XKR9: variants seen among roughly 807,000 people sequenced by gnomAD.
XKR9 encodes XK-related protein 9.
A neutral mutation model predicts 32.0 loss-of-function variants in XKR9; 32 were observed. The ratio of observed to expected loss-of-function variants is 1.00; its 90% CI spans 0.76 to 1.34. XKR9 has a LOEUF of 1.34. Among genes scored for constraint, XKR9 ranks in the 40% most tolerant of loss-of-function variants. The pLI is 0.00. For synonymous variants in XKR9, 168 were observed against 143.4 expected (o/e 1.17, Z -1.22); for missense variants, 546 against 429.7 (o/e 1.27, Z -2.39).
the XKR9 span, among the ~76,000 whole-genome samples, chr8:71,062,381 G>T: frequency 6.6e-6 from 1 of 152,120 alleles, no homozygotes; most frequent in Non-Finnish European, 1.5e-5. Flanking sequence ...CTTCCTGCAT[G>T]GCTTTTTGTT....
chr8:70,800,293 A>G, the XKR9 span, among the ~76,000 whole-genome samples: 1 of 152,270 alleles, frequency 6.6e-6, no homozygotes, highest in East Asian at 1.9e-4. Context: ...TTGCATCAAT[A>G]TTCATCAAGG....
chr8:70,883,137 T>G, the XKR9 span, among the ~76,000 whole-genome samples: 1 of 149,108 alleles, frequency 6.7e-6, no homozygotes, highest in South Asian at 2.1e-4. Flanking sequence ...CTTCCCAACC[T>G]CCCCCAACAA....
At chr8:70,954,859 A>G in the XKR9 span, among the ~76,000 whole-genome samples, 560 of 152,348 alleles carry the variant, frequency 3.7e-3, 1 homozygote, top group Non-Finnish European at 6.2e-3. Context: ...TGTACTATGT[A>G]GAATATTTAG....
the XKR9 span, among the ~76,000 whole-genome samples, chr8:70,938,201 G>T: frequency 6.6e-6 from 1 of 151,922 alleles, no homozygotes; most frequent in Non-Finnish European, 1.5e-5. Context: ...ATTCAGGAGA[G>T]GACATTCCCA....
chr8:70,814,592 T>C, the XKR9 span, among the ~76,000 whole-genome samples: 1 of 151,530 alleles, frequency 6.6e-6, no homozygotes, highest in East Asian at 1.9e-4. Flanking sequence ...AAAGAACATA[T>C]CTAAAAATAA....
At chr8:71,017,997 G>A in the XKR9 span, among the ~76,000 whole-genome samples, 1 of 152,166 alleles carries the variant, frequency 6.6e-6, no homozygotes, top group Non-Finnish European at 1.5e-5. Flanking sequence ...CTGTAACAAC[G>A]TACTATGCTT....
At chr8:70,710,553 A>G (rs1222718909) in intron 4 of XKR9, among the ~76,000 whole-genome samples, 5 of 152,082 alleles carry the variant, frequency 3.3e-5, no homozygotes, top group Non-Finnish European at 2.9e-5. Context: ...ATAGAGAACA[A>G]TTAGCTGGGT....
chr8:70,760,165 T>G (rs528152686), intron 2 of XKR9, among the ~76,000 whole-genome samples: 11 of 152,226 alleles, frequency 7.2e-5, no homozygotes, highest in Non-Finnish European at 1.5e-4. Context: ...CAAATTCTGT[T>G]AGGACAACAT....
intron 2 of XKR9, among the ~76,000 whole-genome samples, chr8:70,752,530 G>C (rs909733326): frequency 6.6e-6 from 1 of 152,138 alleles, no homozygotes; most frequent in Admixed American, 6.6e-5. Flanking sequence ...AGTCCTGTGA[G>C]AGTGAGAATT....
chr8:70,983,685 G>T, the XKR9 span, among the ~76,000 whole-genome samples: 1 of 152,132 alleles, frequency 6.6e-6, no homozygotes, highest in Non-Finnish European at 1.5e-5. Context: ...GGAGGCTGAG[G>T]CAGGAGAATC....
chr8:70,868,831 TC>T, the XKR9 span, among the ~76,000 whole-genome samples: 1 of 152,198 alleles, frequency 6.6e-6, no homozygotes, highest in Non-Finnish European at 1.5e-5. Context: ...ATTCTCTGCT[TC>T]CCTTATAATT....
the XKR9 span, among the ~76,000 whole-genome samples, chr8:70,815,716 G>C: frequency 6.6e-6 from 1 of 151,876 alleles, no homozygotes; most frequent in East Asian, 1.9e-4. Context: ...TAGTAGAGAC[G>C]GGATTTCACC....
the XKR9 span, among the ~76,000 whole-genome samples, chr8:71,004,356 GAA>G: frequency 1.3e-5 from 2 of 152,096 alleles, no homozygotes; most frequent in African/African-American, 4.8e-5. Context: ...CCCATAGAGA[GAA>G]AAAGAGTGAC....
the XKR9 span, among the ~76,000 whole-genome samples, chr8:70,978,401 C>A: frequency 6.6e-6 from 1 of 152,150 alleles, no homozygotes; most frequent in East Asian, 1.9e-4. Flanking sequence ...TTTAGTGCTT[C>A]CTTCAGGAAC....
At chr8:71,026,963 C>A in the XKR9 span, among the ~76,000 whole-genome samples, 1 of 152,186 alleles carries the variant, frequency 6.6e-6, no homozygotes, top group Non-Finnish European at 1.5e-5. Context: ...TTTTTAAGCA[C>A]TGCTGTTTAT....
chr8:70,719,095 G>C (rs756475496), intron 4 of XKR9, among the ~76,000 whole-genome samples: 6 of 151,862 alleles, frequency 4.0e-5, no homozygotes, highest in East Asian at 1.9e-4. Context: ...TCATATGTTT[G>C]TTGGCCACAT....
At chr8:70,814,168 T>C in the XKR9 span, among the ~76,000 whole-genome samples, 4 of 152,050 alleles carry the variant, frequency 2.6e-5, no homozygotes, top group East Asian at 7.7e-4. Context: ...CTGGAAACCA[T>C]CATTCTCAGC....
chr8:70,729,753 A>G (rs1278543704), intron 4 of XKR9, among the ~76,000 whole-genome samples: 1 of 152,228 alleles, frequency 6.6e-6, no homozygotes, highest in Non-Finnish European at 1.5e-5. Flanking sequence ...TCAGAATTAT[A>G]GGAGTGTCAC....
chr8:70,787,652 A>T (rs1807705702), intron 2 of XKR9, among the ~76,000 whole-genome samples: 1 of 152,054 alleles, frequency 6.6e-6, no homozygotes. Context: ...AAGAGAATAC[A>T]CCTCCATGGC....
Sources: gnomAD v4.1 joint callset for allele counts (sites outside exome capture counted in the v4.1 genomes callset) on GRCh38, gnomAD v4.1.1 for gene constraint, MANE v1.5 for transcripts, NCBI Gene and HGNC (gene_info 2026-07-23, HGNC 2026-07-21) for gene names.